Variants in HNMT observed in about 807,000 individuals in gnomAD.
The protein encoded by HNMT is histamine N-methyltransferase.
HNMT carries 30 observed loss-of-function variants against 32.1 expected under a neutral mutation model. The observed-to-expected ratio is 0.93, with a 90% confidence interval of 0.70 to 1.27. HNMT has a LOEUF of 1.27. Ranked by LOEUF, HNMT falls within the 50% of genes most tolerant of loss-of-function variation. The pLI is 0.00. For synonymous variants in HNMT, 125 were observed against 119.0 expected (o/e 1.05, Z -0.33); for missense variants, 327 against 346.0 (o/e 0.95, Z 0.43).
intron 4 of HNMT, among the ~76,000 whole-genome samples, chr2:138,004,492 C>T (rs1010109577): frequency 6.6e-6 from 1 of 151,960 alleles, no homozygotes; most frequent in Non-Finnish European, 1.5e-5. Context: ...ATGCCTAAGT[C>T]CAAGTTCTGT....
intron 2 of HNMT, among the ~76,000 whole-genome samples, chr2:137,999,196 A>G (rs1193232930): frequency 6.6e-6 from 1 of 152,170 alleles, no homozygotes; most frequent in Non-Finnish European, 1.5e-5. Context: ...GAATATTAAT[A>G]ATATCATGGA....
chr2:138,002,008 G>A, intron 3 of HNMT, 56 bp from the exon 4 acceptor site: 2 of 1,363,964 alleles, frequency 1.5e-6, no homozygotes, highest in Non-Finnish European at 2.0e-6. Context: ...AAATGGAAAT[G>A]GTTTCCACAT....
In HNMT at chr2:137,990,540, CT is replaced by C. The variant is rs139321043; in HGVS notation, c.191-10377del. ...GTGTCGGTTCTCCAACTTTATTCTT[CT>C]CTTTCCATATTATATTGCAGATTAT... On this transcript the variant is annotated intron_variant, in intron 2 of 5. Transcript: ENST00000280097. Among the ~76,000 whole-genome samples, 414 of 152,174 alleles carry C rather than the reference CT, an allele frequency of 2.7e-3. 8 individuals carry two copies. The East Asian group carries it at 0.057, about 21-fold the overall frequency.
chr2:137,989,208 C>T (rs1008399845), intron 2 of HNMT, among the ~76,000 whole-genome samples: 4 of 152,108 alleles, frequency 2.6e-5, no homozygotes, highest in Admixed American at 6.6e-5. Flanking sequence ...TTACTGTCCC[C>T]GAAATCATCT....
In HNMT at chr2:137,974,814, A is replaced by G. The variant is rs185151750; in HGVS notation, c.190+4597A>G. Among the ~76,000 whole-genome samples, 18 of 152,310 alleles carry G rather than the reference A, an allele frequency of 1.2e-4. No homozygotes were observed. The East Asian group carries it at 2.1e-3, about 18-fold the overall frequency. ...TATAGATAAATTTTTTAACCCACTCAAGCAACTCATATATGAAATACAGGT... is the reference window on the plus strand; with the variant it reads ...TATAGATAAATTTTTTAACCCACTCGAGCAACTCATATATGAAATACAGGT... On this transcript the variant is annotated intron_variant, in intron 2 of 5. Transcript: ENST00000280097.
In HNMT at chr2:138,014,348, A is replaced by T. The variant is rs1050900; in HGVS notation, c.*218A>T. ...CCCTCCTCCAGGTAGAGAGACCACAAGCAGGCTCAACATAACATAAGCTAG... is the reference window on the plus strand; with the variant it reads ...CCCTCCTCCAGGTAGAGAGACCACATGCAGGCTCAACATAACATAAGCTAG... On this transcript the variant is annotated 3_prime_UTR_variant, in exon 6 of 6. Transcript: ENST00000280097. The T allele has an allele frequency of 0.22, 91,754 of 423,498 alleles. 10,599 individuals carry two copies. The highest frequency in any genetic ancestry group is 0.31 in the Admixed American group (7,972 of 25,968). The allele number at this position is 423,498 out of a possible 1,614,324, so 26.2% of individuals were successfully genotyped here.
At chr2:137,995,056 C>T (rs1301705761) in intron 2 of HNMT, among the ~76,000 whole-genome samples, 1 of 152,136 alleles carries the variant, frequency 6.6e-6, no homozygotes. Context: ...ATGCCCCCAT[C>T]AGAAAGCCTG....
At chr2:137,983,359 G>T (rs1680559864) in intron 2 of HNMT, among the ~76,000 whole-genome samples, 1 of 151,974 alleles carries the variant, frequency 6.6e-6, no homozygotes. Context: ...GTAATTTATT[G>T]CACTTAATGT....
intron 2 of HNMT, among the ~76,000 whole-genome samples, chr2:137,976,604 T>C (rs149196133): frequency 4.6e-5 from 7 of 152,300 alleles, no homozygotes; most frequent in Non-Finnish European, 7.4e-5. Context: ...TTTTAATTGC[T>C]TATAACTAAA....
In HNMT at chr2:137,964,564, C is replaced by A; in HGVS notation, c.73C>A (p.His25Asn). The change falls in exon 1 of 6, where the codon CAT (histidine) becomes AAT (asparagine). Residue 25 changes from histidine to asparagine, a missense_variant. Transcript: ENST00000280097. ...YVESFRRFLN[H>N]STEHQCMQEF... ...TGAATCTTTCCGGAGGTTTCTCAAC[C>A]ATTCCACGGAACACCAGTGCATGCA... The A allele has an allele frequency of 6.2e-7, 1 of 1,613,666 alleles. No homozygotes were observed.
chr2:138,011,422 G>C (rs3791226), intron 5 of HNMT, among the ~76,000 whole-genome samples: 32,421 of 151,894 alleles, frequency 0.21, 3,757 homozygotes, highest in South Asian at 0.3. Flanking sequence ...CCTTCTCCTA[G>C]AGCATATCCT....
At chr2:137,980,840 T>C (rs1680471183) in intron 2 of HNMT, among the ~76,000 whole-genome samples, 1 of 152,026 alleles carries the variant, frequency 6.6e-6, no homozygotes, top group Admixed American at 6.6e-5. Flanking sequence ...GTACCCAGGG[T>C]GTTGGAGGGA....
At chr2:137,994,271 T>C (rs1404103024) in intron 2 of HNMT, among the ~76,000 whole-genome samples, 1 of 152,148 alleles carries the variant, frequency 6.6e-6, no homozygotes. Flanking sequence ...GTGTGCTGTA[T>C]TCAGGAGACC....
chr2:137,991,129 G>C (rs1354463617), intron 2 of HNMT, among the ~76,000 whole-genome samples: 2 of 152,220 alleles, frequency 1.3e-5, no homozygotes, highest in African/African-American at 4.8e-5. Flanking sequence ...CAGATGAAGA[G>C]ATGCATAGGG....
chr2:137,994,951 A>T (rs1266922296), intron 2 of HNMT, among the ~76,000 whole-genome samples: 1 of 152,196 alleles, frequency 6.6e-6, no homozygotes, highest in Non-Finnish European at 1.5e-5. Context: ...AGAGATCAAG[A>T]AGTTCTTTGA....
intron 2 of HNMT, among the ~76,000 whole-genome samples, chr2:137,973,681 C>T (rs1414045610): frequency 6.6e-6 from 1 of 152,168 alleles, no homozygotes; most frequent in African/African-American, 2.4e-5. Context: ...GCTACCACTT[C>T]TCCCACCGTG....
At chr2:137,996,848 A>G (rs1244099165) in intron 2 of HNMT, among the ~76,000 whole-genome samples, 1 of 152,186 alleles carries the variant, frequency 6.6e-6, no homozygotes, top group Non-Finnish European at 1.5e-5. Flanking sequence ...AACAGAACAG[A>G]GACCTCAGAA....
intron 5 of HNMT, 102 bp from the exon 6 acceptor site, chr2:138,013,673 A>C: frequency 1.2e-6 from 1 of 805,484 alleles, no homozygotes; most frequent in South Asian, 1.8e-5. Context: ...ACAAAGGACA[A>C]GATTATTATT....
Position 138,016,329 on chromosome 2 carries a change from A to G in HNMT, c.*2199A>G, listed in dbSNP as rs1681663458. The G allele has an allele frequency of 6.6e-6, 1 of 152,144 alleles. No homozygotes were observed. Among genetic ancestry groups the G allele is most frequent in the African/African-American group, 2.4e-5 (1 of 41,440 alleles). The allele number at this position is 152,144 out of a possible 1,614,324, so 9.4% of individuals were successfully genotyped here. On this transcript the variant is annotated 3_prime_UTR_variant, in exon 6 of 6. Coordinates refer to ENST00000280097, the MANE Select transcript of HNMT (RefSeq NM_006895.3). Reference sequence around the variant, plus strand: ...TTATAAACAGAGCTCAAGAAACCCAATAAAGTTATGTGTTGCCAGTGTAAA... The same window carrying G: ...TTATAAACAGAGCTCAAGAAACCCAGTAAAGTTATGTGTTGCCAGTGTAAA...
Sources: allele counts gnomAD v4.1 joint callset (sites outside exome capture counted in the v4.1 genomes callset), GRCh38; gene constraint gnomAD v4.1.1; transcripts MANE v1.5; gene names NCBI Gene and HGNC (gene_info 2026-07-23, HGNC 2026-07-21).